SPAG16: variants seen among roughly 807,000 people sequenced by gnomAD.
The protein encoded by SPAG16 is sperm associated antigen 16, also known as sperm-associated antigen 16 protein.
Under a neutral mutation model 80.4 loss-of-function variants are expected in SPAG16, and 86 were observed. That is an observed-to-expected ratio of 1.07 (90% CI 0.90 to 1.28). The LOEUF is 1.28. Ranked by LOEUF, SPAG16 falls within the 50% of genes most tolerant of loss-of-function variation. SPAG16 has a pLI of 0.00. For synonymous variants in SPAG16, 294 were observed against 265.9 expected, an observed-to-expected ratio of 1.11 and a Z score of -1.03; for missense variants, 870 against 765.3, an observed-to-expected ratio of 1.14 and a Z score of -1.61.
intron 10 of SPAG16, among the ~76,000 whole-genome samples, chr2:213,654,728 TAAAG>T (rs2063157204): frequency 1.4e-5 from 2 of 147,016 alleles, no homozygotes; most frequent in South Asian, 4.3e-4. Context: ...AAAAAAAAAA[TAAAG>T]AAGAAGTTTC....
intron 9 of SPAG16, among the ~76,000 whole-genome samples, chr2:213,472,707 T>C (rs2073148758): frequency 6.6e-6 from 1 of 152,132 alleles, no homozygotes; most frequent in Non-Finnish European, 1.5e-5. Context: ...AATCACAGGA[T>C]GCACCACAAT....
At position 214,312,754 on chromosome 2, in the gene SPAG16, T is replaced by C. The variant is rs902460991; in HGVS notation, c.1721-97386T>C. ...GTCTATCCTTAGAATACAACAGTGA[T>C]TTATAATTATTTTTCTGAAGTATCA... On this transcript the variant is annotated intron_variant, in intron 15 of 15. Coordinates refer to ENST00000331683, the MANE Select transcript of SPAG16 (RefSeq NM_024532.5). 3.9e-5 allele frequency among the ~76,000 whole-genome samples: 6 copies of C among 152,306 alleles called. No homozygotes were observed. In the East Asian group the frequency reaches 1.2e-3, roughly 29 times the overall value.
intron 15 of SPAG16, among the ~76,000 whole-genome samples, chr2:214,167,864 G>T (rs1446897552): frequency 6.6e-6 from 1 of 150,888 alleles, no homozygotes; most frequent in Non-Finnish European, 1.5e-5. Flanking sequence ...AGGAACCAAG[G>T]TCTCCAGAGT....
chr2:214,172,877 T>C (rs186797325), intron 15 of SPAG16, among the ~76,000 whole-genome samples: 5 of 152,140 alleles, frequency 3.3e-5, no homozygotes, highest in Non-Finnish European at 5.9e-5. Context: ...TTTCATGTGT[T>C]TTTTGGCTGC....
At chr2:214,098,070 G>C (rs970432657) in intron 13 of SPAG16, among the ~76,000 whole-genome samples, 1 of 151,970 alleles carries the variant, frequency 6.6e-6, no homozygotes, top group Non-Finnish European at 1.5e-5. Context: ...ATGCTTGTAT[G>C]ATATCCAAGT....
At chr2:214,219,714 A>G (rs1380946712) in intron 15 of SPAG16, among the ~76,000 whole-genome samples, 1 of 152,140 alleles carries the variant, frequency 6.6e-6, no homozygotes, top group Non-Finnish European at 1.5e-5. Context: ...AAAAGTCTCC[A>G]AATTCTTAGA....
intron 5 of SPAG16, among the ~76,000 whole-genome samples, chr2:213,333,413 A>G (rs1045763928): frequency 1.3e-5 from 2 of 152,118 alleles, no homozygotes; most frequent in Non-Finnish European, 2.9e-5. Flanking sequence ...ATATTGTTAA[A>G]ATGTCCATAC....
chr2:214,077,491 T>TAA (rs2051139039), intron 13 of SPAG16, among the ~76,000 whole-genome samples: 1 of 152,226 alleles, frequency 6.6e-6, no homozygotes, highest in Non-Finnish European at 1.5e-5. Context: ...TTCAGATACA[T>TAA]ATCTTAAGGC....
chr2:213,468,159 C>T lies in SPAG16; in HGVS notation c.943-21804C>T, dbSNP rs1192881637. Among the ~76,000 whole-genome samples the T allele has an allele frequency of 3.3e-5, 5 of 151,964 alleles. No individual in the cohort carries two copies. The East Asian group carries it at 7.7e-4, about 23-fold the overall frequency. On this transcript the variant is annotated intron_variant, in intron 9 of 15. Coordinates refer to ENST00000331683, the MANE Select transcript of SPAG16 (RefSeq NM_024532.5). Reference sequence around the variant, plus strand: ...ATGAATTAGGGGATAGAGAGGTGTACCAAGGCTTCTCTTAGCCTCTCCAGA... The same window carrying T: ...ATGAATTAGGGGATAGAGAGGTGTATCAAGGCTTCTCTTAGCCTCTCCAGA...
intron 15 of SPAG16, among the ~76,000 whole-genome samples, chr2:214,234,501 A>T (rs1688941340): frequency 6.6e-6 from 1 of 152,184 alleles, no homozygotes; most frequent in Non-Finnish European, 1.5e-5. Context: ...TGACACTTCC[A>T]CTAACAGCAT....
intron 10 of SPAG16, among the ~76,000 whole-genome samples, chr2:213,735,480 T>C (rs560537740): frequency 3.9e-5 from 6 of 152,332 alleles, no homozygotes; most frequent in South Asian, 2.1e-4. Context: ...CTAGTCCAGG[T>C]GCTGGCTTCT....
intron 15 of SPAG16, among the ~76,000 whole-genome samples, chr2:214,365,881 A>G (rs1485927981): frequency 6.6e-6 from 1 of 152,056 alleles, no homozygotes; most frequent in Non-Finnish European, 1.5e-5. Context: ...GCACCAATAA[A>G]TTTATCCTTA....
intron 10 of SPAG16, among the ~76,000 whole-genome samples, chr2:213,637,056 C>T (rs2062389371): frequency 6.6e-6 from 1 of 152,156 alleles, no homozygotes; most frequent in Non-Finnish European, 1.5e-5. Flanking sequence ...ATGCTTTCAA[C>T]ATTTCCTTGT....
chr2:213,404,683 G>C (rs1312829537), intron 9 of SPAG16, among the ~76,000 whole-genome samples: 1 of 152,104 alleles, frequency 6.6e-6, no homozygotes, highest in Non-Finnish European at 1.5e-5. Flanking sequence ...AAAAGCAATG[G>C]CAACAAAAGC....
intron 13 of SPAG16, among the ~76,000 whole-genome samples, chr2:214,078,194 G>A (rs956109150): frequency 6.6e-6 from 1 of 152,076 alleles, no homozygotes; most frequent in Non-Finnish European, 1.5e-5. Flanking sequence ...CAGAAAAGAA[G>A]GAAGCATTGC....
intron 15 of SPAG16, among the ~76,000 whole-genome samples, chr2:214,322,889 GC>G (rs1696199831): frequency 1.3e-5 from 2 of 152,162 alleles, no homozygotes; most frequent in Non-Finnish European, 2.9e-5. Flanking sequence ...TGGGAACCAA[GC>G]CCATGACCCT....
At chr2:213,982,599 G>T (rs1450241975) in intron 12 of SPAG16, among the ~76,000 whole-genome samples, 2 of 137,752 alleles carry the variant, frequency 1.5e-5, no homozygotes, top group Admixed American at 7.8e-5. Context: ...TGTTACCAAG[G>T]TATAGTTTCT....
chr2:213,357,348 C>T (rs2065717066), intron 7 of SPAG16, among the ~76,000 whole-genome samples: 1 of 152,076 alleles, frequency 6.6e-6, no homozygotes, highest in African/African-American at 2.4e-5. Flanking sequence ...CTAATATTGA[C>T]AGTAGGGTGT....
At chr2:213,836,737 C>T (rs1227922177) in intron 10 of SPAG16, among the ~76,000 whole-genome samples, 3 of 152,108 alleles carry the variant, frequency 2.0e-5, no homozygotes, top group African/African-American at 7.2e-5. Context: ...TCAGCACCCA[C>T]TGAGTAGCTA....
Sources: gnomAD v4.1 joint callset for allele counts (sites outside exome capture counted in the v4.1 genomes callset) on GRCh38, gnomAD v4.1.1 for gene constraint, MANE v1.5 for transcripts, NCBI Gene and HGNC (gene_info 2026-07-23, HGNC 2026-07-21) for gene names.